Variants in PPM1L observed in about 807,000 individuals in gnomAD.
PPM1L encodes protein phosphatase, Mg2+/Mn2+ dependent 1L.
In PPM1L, 13 loss-of-function variants were observed where a neutral mutation model predicts 31.4. The observed-to-expected ratio is 0.41, with a 90% CI of 0.27 to 0.66. PPM1L has a LOEUF of 0.66. Among genes scored for constraint, PPM1L ranks in the 30% least tolerant of loss-of-function variants. The pLI is 0.29. For missense variants in PPM1L, 326 were observed against 453.7 expected (o/e 0.72, Z 2.56); for synonymous variants, 184 against 175.4 (o/e 1.05, Z -0.39).
At chr3:160,967,929 C>A (rs2108113594) in intron 2 of PPM1L, among the ~76,000 whole-genome samples, 1 of 152,170 alleles carries the variant, frequency 6.6e-6, no homozygotes, top group African/African-American at 2.4e-5. Context: ...GGTCTTATGA[C>A]AATGGAACAC....
At chr3:161,020,823 A>G (rs1718218347) in intron 2 of PPM1L, among the ~76,000 whole-genome samples, 1 of 152,050 alleles carries the variant, frequency 6.6e-6, no homozygotes. Flanking sequence ...ACATTATCTA[A>G]TTAATCTAAT....
chr3:160,998,960 A>G (rs1279664475), intron 2 of PPM1L, among the ~76,000 whole-genome samples: 2 of 152,216 alleles, frequency 1.3e-5, no homozygotes, highest in Non-Finnish European at 2.9e-5. Flanking sequence ...AAACAAAAAA[A>G]GAAAAGAAAA....
chr3:161,061,883 G>A (rs1278862930), intron 2 of PPM1L, among the ~76,000 whole-genome samples: 1 of 152,146 alleles, frequency 6.6e-6, no homozygotes, highest in African/African-American at 2.4e-5. Flanking sequence ...AACTCAAAAA[G>A]TCTCAAACAA....
At chr3:160,899,712 G>A (rs925691318) in intron 1 of PPM1L, among the ~76,000 whole-genome samples, 16 of 151,998 alleles carry the variant, frequency 1.1e-4, no homozygotes, top group African/African-American at 3.9e-4. Context: ...ATTTTTATTT[G>A]TACTGCCTTT....
intron 3 of PPM1L, among the ~76,000 whole-genome samples, chr3:161,067,222 CCT>C (rs1056905471): frequency 6.6e-6 from 1 of 152,166 alleles, no homozygotes; most frequent in Non-Finnish European, 1.5e-5. Context: ...CCTCTTCTTC[CCT>C]GTCATACCCA....
chr3:160,896,174 A>G (rs1013400646), intron 1 of PPM1L, among the ~76,000 whole-genome samples: 1 of 152,144 alleles, frequency 6.6e-6, no homozygotes, highest in Admixed American at 6.5e-5. Context: ...TTTCTTCCTT[A>G]TAATTTTACT....
chr3:161,075,586 A>C lies in PPM1L; in HGVS notation c.*6429A>C, dbSNP rs1720071277. On this transcript the variant is annotated 3_prime_UTR_variant, in exon 4 of 4. Transcript: ENST00000498165. The stretch of plus-strand genomic sequence containing the variant: ...AAATGGTTTGGAACACTTTTTAATA[A>C]AAAATTGTAAAATCAGTTTCCAGTG... 6.6e-6 allele frequency: 1 copy of C among 152,232 alleles called. No homozygotes were observed. The highest frequency in any genetic ancestry group is 2.4e-5 in the African/African-American group (1 of 41,462). 9.4% of individuals were successfully genotyped at this position (152,232 alleles called of 1,614,324 possible). A position where few individuals can be genotyped will look rare whatever the true frequency, so the allele number is the denominator to read the frequency against.
chr3:160,998,788 T>C (rs1717399129), intron 2 of PPM1L, among the ~76,000 whole-genome samples: 1 of 152,162 alleles, frequency 6.6e-6, no homozygotes, highest in Admixed American at 6.5e-5. Flanking sequence ...TTAAGCACTG[T>C]GTGTGGAAAA....
chr3:160,776,656 T>A lies in PPM1L; in HGVS notation c.399+19949T>A, dbSNP rs139749358. Among the ~76,000 whole-genome samples the A allele has an allele frequency of 5.2e-4, 79 of 151,114 alleles. No individual in the cohort carries two copies. In the East Asian group the frequency reaches 0.011, roughly 22 times the overall value. On this transcript the variant is annotated intron_variant, in intron 1 of 3. Transcript: ENST00000498165. ...TCTCACTCAGTCGCCCAGGTTATAGTGCAGTGGCAAGATCTCAGCTCACTG... is the reference window on the plus strand; with the variant it reads ...TCTCACTCAGTCGCCCAGGTTATAGAGCAGTGGCAAGATCTCAGCTCACTG...
chr3:160,961,502 A>G (rs547283399), intron 1 of PPM1L, among the ~76,000 whole-genome samples: 1 of 152,312 alleles, frequency 6.6e-6, no homozygotes, highest in South Asian at 2.1e-4. Flanking sequence ...AACCAAGTCT[A>G]TCATCTTTTA....
At chr3:160,827,905 A>G (rs538844488) in intron 1 of PPM1L, among the ~76,000 whole-genome samples, 1 of 152,200 alleles carries the variant, frequency 6.6e-6, no homozygotes, top group South Asian at 2.1e-4. Flanking sequence ...ACTTTTACTC[A>G]AGGCAGAAGG....
chr3:161,016,591 A>G (rs1415516436), intron 2 of PPM1L, among the ~76,000 whole-genome samples: 1 of 152,226 alleles, frequency 6.6e-6, no homozygotes, highest in Admixed American at 6.5e-5. Context: ...AATGCGGCTT[A>G]TAAGATAGAT....
At chr3:161,003,135 G>C (rs1463452249) in intron 2 of PPM1L, among the ~76,000 whole-genome samples, 3 of 152,016 alleles carry the variant, frequency 2.0e-5, no homozygotes, top group Admixed American at 1.3e-4. Flanking sequence ...GTTTGTCAAA[G>C]ATCAGATAGT....
intron 2 of PPM1L, among the ~76,000 whole-genome samples, chr3:160,976,193 T>C (rs1257208817): frequency 7.7e-6 from 1 of 129,256 alleles, no homozygotes; most frequent in Non-Finnish European, 1.6e-5. Flanking sequence ...TTTGCATATA[T>C]TGAACCAGCC....
At chr3:160,912,064 A>T (rs1157730768) in intron 1 of PPM1L, among the ~76,000 whole-genome samples, 1 of 152,150 alleles carries the variant, frequency 6.6e-6, no homozygotes, top group African/African-American at 2.4e-5. Flanking sequence ...GCTTGGGAAG[A>T]CCTGAATAAT....
chr3:161,032,391 C>T (rs1197873104), intron 2 of PPM1L, among the ~76,000 whole-genome samples: 4 of 152,188 alleles, frequency 2.6e-5, no homozygotes, highest in African/African-American at 9.6e-5. Flanking sequence ...CTACCTGATA[C>T]ACTTTGAAAA....
chr3:160,950,205 T>TAA (rs1458205339), intron 1 of PPM1L, among the ~76,000 whole-genome samples: 1 of 152,144 alleles, frequency 6.6e-6, no homozygotes, highest in Non-Finnish European at 1.5e-5. Context: ...CACCTCCTTG[T>TAA]AGGTAAAAAT....
intron 1 of PPM1L, among the ~76,000 whole-genome samples, chr3:160,920,615 T>TCTCTCTCA (rs1389629070): frequency 2.1e-4 from 6 of 28,658 alleles, no homozygotes; most frequent in African/African-American, 3.1e-4. Context: ...TCTCTCTCTC[T>TCTCTCTCA]CACACACACA....
chr3:160,837,822 C>T (rs1429261084), intron 1 of PPM1L, among the ~76,000 whole-genome samples: 2 of 152,142 alleles, frequency 1.3e-5, no homozygotes, highest in African/African-American at 4.8e-5. Context: ...CTTGTGGTTG[C>T]ACAAGTTCCC....
Sources: gnomAD v4.1 joint callset for allele counts (sites outside exome capture counted in the v4.1 genomes callset) on GRCh38, gnomAD v4.1.1 for gene constraint, MANE v1.5 for transcripts, NCBI Gene and HGNC (gene_info 2026-07-23, HGNC 2026-07-21) for gene names.